Variants in TENM3 observed in about 807,000 individuals in gnomAD.
TENM3 encodes teneurin-3.
A neutral mutation model predicts 255.1 loss-of-function variants in TENM3; 63 were observed. The observed-to-expected ratio is 0.25, with a 90% CI of 0.20 to 0.30. The LOEUF (loss-of-function observed/expected upper bound fraction) is 0.30, where lower values mean the gene tolerates loss of function less well. Ranked by LOEUF, TENM3 falls within the 10% of genes least tolerant of loss-of-function variation. TENM3 has a pLI of 1.00. For missense variants in TENM3, 2,929 were observed against 3,461.1 expected (o/e 0.85, Z 3.86); for synonymous variants, 1,306 against 1,322.3 (o/e 0.99, Z 0.27).
chr4:182,478,537 G>A (rs1057081194), intron 3 of TENM3, among the ~76,000 whole-genome samples: 3 of 151,624 alleles, frequency 2.0e-5, no homozygotes, highest in African/African-American at 7.2e-5. Flanking sequence ...TTTTTTTGTA[G>A]CCCTCACCGT....
At chr4:182,373,743 G>T (rs1469556877) in intron 3 of TENM3, among the ~76,000 whole-genome samples, 1 of 152,144 alleles carries the variant, frequency 6.6e-6, no homozygotes, top group African/African-American at 2.4e-5. Flanking sequence ...AAGACTTGAA[G>T]GGCATAATTT....
the TENM3 span, among the ~76,000 whole-genome samples, chr4:181,672,950 G>C: frequency 2.0e-5 from 3 of 152,264 alleles, no homozygotes; most frequent in African/African-American, 7.2e-5. Context: ...TCTGTTCTCT[G>C]TATTTGCTGT....
At chr4:182,523,491 A>G (rs955313861) in intron 3 of TENM3, among the ~76,000 whole-genome samples, 1 of 152,202 alleles carries the variant, frequency 6.6e-6, no homozygotes, top group Non-Finnish European at 1.5e-5. Context: ...CCCTGTTCTC[A>G]TAGTAAATTA....
At chr4:182,517,912 CA>C (rs1738166677) in intron 3 of TENM3, among the ~76,000 whole-genome samples, 1 of 152,134 alleles carries the variant, frequency 6.6e-6, no homozygotes. Context: ...AGTGAAACCA[CA>C]CGTTAATCTA....
rs908308979 is a variant in TENM3 at position 182,755,440 on chromosome 4, G to A, written c.4892+181G>A. On this transcript the variant is annotated intron_variant, in intron 22 of 27. Coordinates refer to ENST00000511685, the MANE Select transcript of TENM3 (RefSeq NM_001080477.4). ...TCCCGTAGTCTCAGCTCCTGGGGAGGCTGAGACGGGAGGATTGCTTGAGCC... is the reference window on the plus strand; with the variant it reads ...TCCCGTAGTCTCAGCTCCTGGGGAGACTGAGACGGGAGGATTGCTTGAGCC... 16 of 578,042 alleles carry A rather than the reference G, an allele frequency of 2.8e-5. No homozygotes were observed. In the East Asian group the frequency reaches 3.0e-4, roughly 11 times the overall value. The allele number at this position is 578,042 out of a possible 1,614,324, so 35.8% of individuals were successfully genotyped here. A position where few individuals can be genotyped will look rare whatever the true frequency, so the allele number is the denominator to read the frequency against.
At chr4:181,808,136 G>A in the TENM3 span, among the ~76,000 whole-genome samples, 13 of 152,276 alleles carry the variant, frequency 8.5e-5, no homozygotes, top group African/African-American at 2.9e-4. Context: ...TGGTTTGAGA[G>A]GTTTCCAGAT....
At chr4:182,630,732 G>A (rs1207799789) in intron 5 of TENM3, among the ~76,000 whole-genome samples, 4 of 150,666 alleles carry the variant, frequency 2.7e-5, no homozygotes, top group African/African-American at 9.7e-5. Context: ...TGTGTTTGTT[G>A]GGGATTTTAT....
the TENM3 span, among the ~76,000 whole-genome samples, chr4:181,732,679 A>G: frequency 5.3e-4 from 81 of 152,266 alleles, no homozygotes; most frequent in African/African-American, 1.8e-3. Context: ...AGAAAATTGG[A>G]TAGCAAACCA....
chr4:182,209,014 G>C (rs1215947221), intron 1 of TENM3, among the ~76,000 whole-genome samples: 1 of 150,616 alleles, frequency 6.6e-6, no homozygotes, highest in Non-Finnish European at 1.5e-5. Context: ...TGTCGCCCAG[G>C]CTGGAGTGCG....
the TENM3 span, among the ~76,000 whole-genome samples, chr4:181,744,160 C>T: frequency 2.6e-5 from 4 of 152,126 alleles, no homozygotes; most frequent in East Asian, 7.7e-4. Context: ...GATCTTGTTC[C>T]TTTTTATGGC....
chr4:182,277,334 G>A (rs770499218), intron 1 of TENM3, among the ~76,000 whole-genome samples: 1 of 152,048 alleles, frequency 6.6e-6, no homozygotes, highest in Non-Finnish European at 1.5e-5. Flanking sequence ...TATGTTCACA[G>A]AGGTAGAGTT....
intron 3 of TENM3, among the ~76,000 whole-genome samples, chr4:182,437,953 A>C (rs1328374964): frequency 6.6e-6 from 1 of 151,998 alleles, no homozygotes; most frequent in African/African-American, 2.4e-5. Flanking sequence ...TCCTGTCTCA[A>C]ATAAATAAAT....
At chr4:182,636,671 C>T (rs961774558) in intron 5 of TENM3, among the ~76,000 whole-genome samples, 8 of 150,898 alleles carry the variant, frequency 5.3e-5, no homozygotes, top group Non-Finnish European at 7.4e-5. Flanking sequence ...GAGCAGAGAT[C>T]GCGCCACCGT....
At chr4:182,231,776 T>C (rs1339050761) in intron 1 of TENM3, among the ~76,000 whole-genome samples, 2 of 152,302 alleles carry the variant, frequency 1.3e-5, no homozygotes, top group African/African-American at 4.8e-5. Flanking sequence ...ATCCCTGACA[T>C]TCCGAGCCTG....
chr4:181,719,956 T>A, the TENM3 span, among the ~76,000 whole-genome samples: 2 of 152,214 alleles, frequency 1.3e-5, no homozygotes, highest in African/African-American at 4.8e-5. Context: ...ACTGCATGCA[T>A]GTTTCATTTG....
chr4:182,641,719 G>GT, intron 5 of TENM3, among the ~76,000 whole-genome samples: 1 of 152,254 alleles, frequency 6.6e-6, no homozygotes, highest in East Asian at 1.9e-4. Context: ...CAGAGGCGGC[G>GT]TTTTGCCATG....
chr4:182,371,448 C>T (rs1053597543), intron 3 of TENM3, among the ~76,000 whole-genome samples: 2 of 152,132 alleles, frequency 1.3e-5, no homozygotes, highest in Non-Finnish European at 2.9e-5. Context: ...TTCTGTGACC[C>T]TTTTCTTCAA....
intron 3 of TENM3, among the ~76,000 whole-genome samples, chr4:182,430,618 C>A (rs988343269): frequency 6.6e-6 from 1 of 152,124 alleles, no homozygotes; most frequent in Non-Finnish European, 1.5e-5. Flanking sequence ...AAAAGAAAGT[C>A]CAGTGCCTGA....
At chr4:182,155,442 A>G (rs573235239) in intron 1 of TENM3, among the ~76,000 whole-genome samples, 1 of 152,192 alleles carries the variant, frequency 6.6e-6, no homozygotes, top group African/African-American at 2.4e-5. Flanking sequence ...TTTTATATCT[A>G]TAATAAAGAT....
Sources: gnomAD v4.1 joint callset for allele counts (sites outside exome capture counted in the v4.1 genomes callset) on GRCh38, gnomAD v4.1.1 for gene constraint, MANE v1.5 for transcripts, NCBI Gene and HGNC (gene_info 2026-07-23, HGNC 2026-07-21) for gene names.